The following LAMA1 variants were observed in gnomAD, a reference collection of about 807,000 sequenced individuals.
LAMA1 encodes laminin subunit alpha 1.
A neutral mutation model predicts 348.7 loss-of-function variants in LAMA1; 219 were observed. The ratio of observed to expected loss-of-function variants is 0.63; its 90% CI spans 0.56 to 0.70. The LOEUF is 0.70. LAMA1 is among the 30% of genes least tolerant of loss of function. LAMA1 has a pLI of 0.00. For missense variants in LAMA1, 3,744 were observed against 3,888.0 expected, an observed-to-expected ratio of 0.96 and a Z score of 0.99; for synonymous variants, 1,487 against 1,491.0, an observed-to-expected ratio of 1.00 and a Z score of 0.06.
intron 29 of LAMA1, 92 bp from the exon 30 acceptor site, chr18:7,002,477 T>C (rs2057812226): frequency 7.6e-6 from 10 of 1,314,326 alleles, no homozygotes; most frequent in Non-Finnish European, 9.8e-6. Flanking sequence ...CCACGTTTTA[T>C]ATCAGCTAGC....
intron 30 of LAMA1, among the ~76,000 whole-genome samples, chr18:7,001,599 T>C (rs1237920220): frequency 1.3e-5 from 2 of 152,180 alleles, no homozygotes; most frequent in Non-Finnish European, 2.9e-5. Context: ...TTAAAAGGAA[T>C]ACTTCATTGC....
chr18:6,945,934 G>A (rs1206167621), intron 61 of LAMA1, among the ~76,000 whole-genome samples: 1 of 151,998 alleles, frequency 6.6e-6, no homozygotes, highest in Non-Finnish European at 1.5e-5. Context: ...CCCGCATCCT[G>A]CCTGCGCCCA....
intron 1 of LAMA1, among the ~76,000 whole-genome samples, chr18:7,086,935 T>C (rs543741167): frequency 2.6e-5 from 4 of 152,308 alleles, no homozygotes; most frequent in African/African-American, 7.2e-5. Flanking sequence ...GATCTCTCTA[T>C]TTAGAAAATG....
rs1211637254 is a variant in LAMA1, at chr18:7,038,873, G to T, written c.1500C>A (p.Cys500Ter). 6.2e-7 allele frequency: 1 copy of T among 1,614,108 alleles called. No individual in the cohort carries two copies. The highest frequency in any genetic ancestry group is 1.3e-5 in the African/African-American group (1 of 74,946). The change falls in exon 11 of 63, where the codon TGC becomes TGA. Residue 500 changes from cysteine to a stop codon, truncating the protein, a stop_gained. Transcript: ENST00000389658. LOFTEE classifies it high-confidence loss of function. ...YNLKEKNPRG[C>*]SECFCFGVSD... is the part of the protein sequence containing the mutation. ...AAACGCCAAAGCAGAAGCACTCGGA[G>T]CAGCCCCGGGGGTTTTTTTCCTTCA...
intron 36 of LAMA1, among the ~76,000 whole-genome samples, chr18:6,990,969 AC>A (rs1198328788): frequency 6.6e-6 from 1 of 152,104 alleles, no homozygotes; most frequent in Non-Finnish European, 1.5e-5. Flanking sequence ...TGAGATGATC[AC>A]AGAACACAAT....
At chr18:7,067,231 G>A (rs1464246585) in intron 3 of LAMA1, among the ~76,000 whole-genome samples, 1 of 150,984 alleles carries the variant, frequency 6.6e-6, no homozygotes, top group Non-Finnish European at 1.5e-5. Flanking sequence ...TTTGCTTTCA[G>A]CAGCATTTTT....
intron 17 of LAMA1, among the ~76,000 whole-genome samples, chr18:7,024,912 C>A (rs2144145061): frequency 6.6e-6 from 1 of 152,346 alleles, no homozygotes; most frequent in South Asian, 2.1e-4. Flanking sequence ...CTCACTCAAA[C>A]ACAAAGTGGT....
intron 1 of LAMA1, among the ~76,000 whole-genome samples, chr18:7,090,311 G>A (rs935620998): frequency 2.0e-5 from 3 of 152,132 alleles, no homozygotes; most frequent in African/African-American, 2.4e-5. Context: ...CCTGTTTAAT[G>A]TAAAACGAGA....
intron 11 of LAMA1, among the ~76,000 whole-genome samples, chr18:7,037,959 T>G (rs545996740): frequency 1.3e-5 from 2 of 152,246 alleles, no homozygotes; most frequent in East Asian, 1.9e-4. Flanking sequence ...CAAGTCTCAC[T>G]ACTCCAAATC....
At chr18:7,020,002 A>T (rs4797277) in intron 19 of LAMA1, among the ~76,000 whole-genome samples, 16,687 of 152,132 alleles carry the variant, frequency 0.11, 1,498 homozygotes, top group African/African-American at 0.25. Flanking sequence ...ATTCTTAATT[A>T]AAATAGTATT....
chr18:7,036,120 G>A (rs1430838637), intron 12 of LAMA1, 32 bp from the exon 13 acceptor site: 1 of 1,468,610 alleles, frequency 6.8e-7, no homozygotes, highest in Non-Finnish European at 9.5e-7. Flanking sequence ...GAACACGAAA[G>A]GGGAAGACAA....
intron 1 of LAMA1, among the ~76,000 whole-genome samples, chr18:7,107,334 G>C (rs978975921): frequency 2.0e-5 from 3 of 151,928 alleles, no homozygotes; most frequent in African/African-American, 7.2e-5. Flanking sequence ...TAGCCAGGAT[G>C]GTCTCCATCT....
chr18:7,032,853 C>T, intron 15 of LAMA1, 131 bp downstream of exon 15: 1 of 732,462 alleles, frequency 1.4e-6, no homozygotes, highest in Non-Finnish European at 2.4e-6. Flanking sequence ...TTCTATTGCC[C>T]AAAAAAGACT....
rs779041274 is a variant in LAMA1 at position 7,002,318 on chromosome 18, G to T, written c.4328C>A (p.Thr1443Asn). Reference protein sequence around the residue: ...VCTSGYYGKVTGSASDCALCA... With the variant: ...VCTSGYYGKVNGSASDCALCA... The stretch of plus-strand genomic sequence containing the variant: ...CAGAGCACAGTCACTTGCTGAGCCA[G>T]TCACCTTCCCGTAGTAGCCAGAAGT... Residue 1443 changes from threonine to asparagine, a missense_variant, in exon 30 of 63, where the codon ACT becomes AAT. Thr to Asn is a moderately conservative substitution (Grantham distance 65, BLOSUM62 0). Around this residue, in one of 3 missense-constraint regions of LAMA1, gnomAD observed 1,983 missense variants for 1,934.3 expected, o/e 1.03. Coordinates refer to ENST00000389658, the MANE Select transcript of LAMA1 (RefSeq NM_005559.4). 5 of 1,613,648 alleles carry T rather than the reference G, an allele frequency of 3.1e-6. No homozygotes were observed. Among genetic ancestry groups the T allele is most frequent in the Non-Finnish European group, 4.2e-6 (5 of 1,180,022 alleles).
At chr18:6,961,401 T>C (rs2057606507) in intron 53 of LAMA1, among the ~76,000 whole-genome samples, 185 bp downstream of exon 53, 1 of 152,220 alleles carries the variant, frequency 6.6e-6, no homozygotes, top group African/African-American at 2.4e-5. Context: ...TTATGCAATA[T>C]GAGAAATCAT....
intron 1 of LAMA1, among the ~76,000 whole-genome samples, chr18:7,091,932 C>T (rs1323093296): frequency 6.6e-6 from 1 of 152,244 alleles, no homozygotes; most frequent in African/African-American, 2.4e-5. Context: ...CCCAAGGTGG[C>T]TGGATCCACA....
At chr18:6,999,875 G>T in intron 31 of LAMA1, 36 bp downstream of exon 31, 1 of 1,561,482 alleles carries the variant, frequency 6.4e-7, no homozygotes. Context: ...GAAACAGAGT[G>T]CCCAGGGATT....
intron 3 of LAMA1, among the ~76,000 whole-genome samples, chr18:7,062,921 G>T (rs543504568): frequency 1.6e-4 from 25 of 152,116 alleles, no homozygotes; most frequent in African/African-American, 5.8e-4. Flanking sequence ...TCCCTTCTTC[G>T]CATGCCTTAT....
chr18:7,087,146 G>C (rs2058220967), intron 1 of LAMA1, among the ~76,000 whole-genome samples: 1 of 152,184 alleles, frequency 6.6e-6, no homozygotes. Context: ...AATGACTTCA[G>C]AAAGATGACA....
Sources: gnomAD v4.1 joint callset for allele counts (sites outside exome capture counted in the v4.1 genomes callset) on GRCh38, gnomAD v4.1.1 for gene constraint, gnomAD v4.1.1 regional missense constraint, MANE v1.5 for transcripts, NCBI Gene and HGNC (gene_info 2026-07-23, HGNC 2026-07-21) for gene names.